The following FIRRM variants were observed in gnomAD, a reference collection of about 807,000 sequenced individuals.
FIRRM encodes FIGNL1-interacting regulator of recombination and mitosis.
the FIRRM span, chr1:169,806,219 GA>G: frequency 1.7e-6 from 1 of 597,714 alleles, no homozygotes; most frequent in East Asian, 3.0e-5. Context: ...ACTGCTGTCT[GA>G]TAATCCAGAT....
the FIRRM span, among the ~76,000 whole-genome samples, chr1:169,812,480 G>A: frequency 6.6e-6 from 1 of 152,164 alleles, no homozygotes; most frequent in African/African-American, 2.4e-5. Context: ...ATATGATGAC[G>A]TCTATGCTGA....
At chr1:169,828,043 A>C in the FIRRM span, among the ~76,000 whole-genome samples, 1 of 152,244 alleles carries the variant, frequency 6.6e-6, no homozygotes, top group East Asian at 1.9e-4. Context: ...GATGCTAAAA[A>C]TATTTTAATA....
the FIRRM span, among the ~76,000 whole-genome samples, chr1:169,789,241 T>C: frequency 1.3e-5 from 2 of 152,058 alleles, no homozygotes. Flanking sequence ...GGAGTCAGAG[T>C]TTCCTTGCTA....
At chr1:169,810,280 A>G in the FIRRM span, among the ~76,000 whole-genome samples, 9 of 152,252 alleles carry the variant, frequency 5.9e-5, no homozygotes, top group Non-Finnish European at 1.0e-4. Flanking sequence ...CAGTAGATTT[A>G]ATTAATATTA....
the FIRRM span, among the ~76,000 whole-genome samples, chr1:169,811,813 C>CTAAATAGATAAT: frequency 7.2e-6 from 1 of 139,036 alleles, no homozygotes; most frequent in Admixed American, 7.5e-5. Flanking sequence ...AGATAATAGA[C>CTAAATAGATAAT]AGATTATCTA....
chr1:169,835,133 A>G, the FIRRM span, among the ~76,000 whole-genome samples: 2 of 152,210 alleles, frequency 1.3e-5, no homozygotes, highest in Non-Finnish European at 2.9e-5. Context: ...TTTGCATACA[A>G]GATGGTGTCT....
At chr1:169,815,082 G>A in the FIRRM span, among the ~76,000 whole-genome samples, 18 of 152,058 alleles carry the variant, frequency 1.2e-4, no homozygotes, top group South Asian at 3.7e-3. Context: ...TAGATCATGA[G>A]GTCAGGAGTT....
chr1:169,826,989 T>G, the FIRRM span: 1 of 1,491,050 alleles, frequency 6.7e-7, no homozygotes. Context: ...TTATAGTACT[T>G]ACTCTACCTA....
At chr1:169,830,120 T>G in the FIRRM span, 11 of 655,368 alleles carry the variant, frequency 1.7e-5, no homozygotes, top group East Asian at 1.4e-4. Flanking sequence ...TTTCAGATAC[T>G]AGAAAGTAGA....
chr1:169,819,622 T>C, the FIRRM span, among the ~76,000 whole-genome samples: 1 of 152,198 alleles, frequency 6.6e-6, no homozygotes, highest in South Asian at 2.1e-4. Flanking sequence ...TCCCAGGCTG[T>C]TAGAGCTTGA....
chr1:169,823,313 C>G, the FIRRM span: 27 of 639,340 alleles, frequency 4.2e-5, no homozygotes, highest in Non-Finnish European at 6.3e-5. Context: ...GGGTCACATT[C>G]AGGATTTTAT....
chr1:169,833,815 C>T, the FIRRM span, among the ~76,000 whole-genome samples: 1 of 146,106 alleles, frequency 6.8e-6, no homozygotes, highest in African/African-American at 2.5e-5. Context: ...GAAAGGGTCA[C>T]ATGTCATAAG....
chr1:169,792,629 T>C, the FIRRM span: 11 of 1,598,850 alleles, frequency 6.9e-6, no homozygotes, highest in Non-Finnish European at 9.4e-6. Flanking sequence ...CAATCCTTCA[T>C]CAATTATTTT....
chr1:169,831,877 C>G, the FIRRM span, among the ~76,000 whole-genome samples: 31 of 152,298 alleles, frequency 2.0e-4, no homozygotes, highest in East Asian at 5.4e-3. Flanking sequence ...CTCCCTCACC[C>G]TGCTGAGTAG....
At chr1:169,792,524 TCA>T in the FIRRM span, 1 of 1,401,604 alleles carries the variant, frequency 7.1e-7, no homozygotes, top group African/African-American at 1.5e-5. Flanking sequence ...AATCAAACAC[TCA>T]AATTTTTGGT....
At chr1:169,823,454 T>C in the FIRRM span, 1 of 1,597,464 alleles carries the variant, frequency 6.3e-7, no homozygotes, top group Admixed American at 1.7e-5. Context: ...TTGCACCAAC[T>C]GTATCTTCAG....
At chr1:169,801,945 A>C in the FIRRM span, among the ~76,000 whole-genome samples, 2 of 152,208 alleles carry the variant, frequency 1.3e-5, no homozygotes, top group African/African-American at 4.8e-5. Flanking sequence ...CAACTGTTAC[A>C]TAGATGAAAA....
chr1:169,831,838 C>A, the FIRRM span, among the ~76,000 whole-genome samples: 4 of 152,156 alleles, frequency 2.6e-5, no homozygotes, highest in Non-Finnish European at 4.4e-5. Context: ...TTCACTACAG[C>A]CTCAAACTTC....
chr1:169,789,902 A>T, the FIRRM span, among the ~76,000 whole-genome samples: 1 of 152,344 alleles, frequency 6.6e-6, no homozygotes, highest in African/African-American at 2.4e-5. Flanking sequence ...TACATAGGAA[A>T]CTTGATAGGA....
Sources: gnomAD v4.1 joint callset for allele counts (sites outside exome capture counted in the v4.1 genomes callset) on GRCh38, gnomAD v4.1.1 for gene constraint, MANE v1.5 for transcripts, NCBI Gene and HGNC (gene_info 2026-07-23, HGNC 2026-07-21) for gene names.